FOXO1: variants seen among roughly 807,000 people sequenced by gnomAD.
The protein encoded by FOXO1 is forkhead box O1, also known as forkhead box protein O1.
FOXO1 carries 6 observed loss-of-function variants against 44.1 expected under a neutral mutation model. The observed-to-expected ratio is 0.14, with a 90% CI of 0.07 to 0.27. The LOEUF (loss-of-function observed/expected upper bound fraction) is 0.27, where lower values mean the gene tolerates loss of function less well. FOXO1 is among the 10% of genes least tolerant of loss of function. The pLI, the probability that FOXO1 is intolerant of heterozygous loss-of-function variation, is 1.00. For missense variants in FOXO1, 737 were observed against 888.8 expected (o/e 0.83, Z 2.17); for synonymous variants, 380 against 362.7 (o/e 1.05, Z -0.54).
chr13:40,631,218 T>C (rs1876952110), intron 1 of FOXO1, among the ~76,000 whole-genome samples: 1 of 152,134 alleles, frequency 6.6e-6, no homozygotes, highest in South Asian at 2.1e-4. Flanking sequence ...CTTTTCAGCA[T>C]AACCAAAGCA....
chr13:40,607,766 T>G (rs551918758), intron 1 of FOXO1, among the ~76,000 whole-genome samples: 1 of 152,356 alleles, frequency 6.6e-6, no homozygotes, highest in East Asian at 1.9e-4. Context: ...AAATGAAACC[T>G]GTTATCTACA....
In FOXO1 at chr13:40,560,005, C is replaced by G; in HGVS notation, c.1486G>C (p.Val496Leu). ...ATGACCGAATTAGGGCCCATCATGA[C>G]GTTCTGGCCCAGAACCCGGCTGTTG... ...QPNSRVLGQN[V>L]MMGPNSVMST... Residue 496 changes from valine to leucine, a missense_variant, in exon 2 of 3, where the codon GTC becomes CTC. By Grantham distance (32) the Val-to-Leu change is conservative. This residue lies in a region of FOXO1 where 283 missense variants were observed against 278.1 expected (regional missense o/e 1.02). Coordinates refer to ENST00000379561, the MANE Select transcript of FOXO1 (RefSeq NM_002015.4). This position sits in a 1 kb window ranked among gnomAD's most constrained non-coding sequence, Gnocchi z 5.1. 6 of 1,614,142 alleles carry G rather than the reference C, an allele frequency of 3.7e-6. No individual in the cohort carries two copies. Among genetic ancestry groups the G allele is most frequent in the Non-Finnish European group, 5.1e-6 (6 of 1,180,026 alleles).
Position 40,597,357 on chromosome 13 carries a change from A to C in FOXO1, c.631-36497T>G, listed in dbSNP as rs549396340. Reference sequence around the variant, plus strand: ...AGCCTGTTCTCTTATTTTCTAAGGCAGACATCTTCCCAATAAGAGGGTAGT... The same window carrying C: ...AGCCTGTTCTCTTATTTTCTAAGGCCGACATCTTCCCAATAAGAGGGTAGT... On this transcript the variant is annotated intron_variant, in intron 1 of 2. Transcript: ENST00000379561. Among the ~76,000 whole-genome samples the C allele has an allele frequency of 5.3e-5, 8 of 152,344 alleles. No individual in the cohort carries two copies. In the South Asian group the frequency reaches 1.7e-3, roughly 32 times the overall value.
chr13:40,642,997 A>G (rs1017147117), intron 1 of FOXO1, among the ~76,000 whole-genome samples: 4 of 152,090 alleles, frequency 2.6e-5, no homozygotes, highest in Non-Finnish European at 5.9e-5. Context: ...CACAAACAGC[A>G]TTTTCATTTC....
intron 1 of FOXO1, among the ~76,000 whole-genome samples, chr13:40,664,127 G>A (rs1878135129): frequency 6.6e-6 from 1 of 152,168 alleles, no homozygotes; most frequent in Non-Finnish European, 1.5e-5. Context: ...ACAAAAATTA[G>A]CTCGACGTGG....
chr13:40,665,926 G>GCCGCCA lies in FOXO1; in HGVS notation c.281_286dup (p.Val94_Ala95dup), dbSNP rs1593422183. 8 of 1,206,866 alleles carry GCCGCCA rather than the reference G, an allele frequency of 6.6e-6. No homozygotes were observed. In the Admixed American group the frequency reaches 1.3e-4, roughly 20 times the overall value. The allele number at this position is 1,206,866 out of a possible 1,614,324, so 74.8% of individuals were successfully genotyped here. ...CCCGGTGGCGGCCGCGGCGGCCGCC[G>GCCGCCA]CCGCCACCGCCGCCGCCACGGAGCC... On this transcript the variant is annotated inframe_insertion, in exon 1 of 3. Transcript: ENST00000379561.
At position 40,558,560 on chromosome 13, in the gene FOXO1, T is replaced by C. The variant is rs1311601866; in HGVS notation, c.*489A>G. 1 of 286,630 alleles carries C rather than the reference T, an allele frequency of 3.5e-6. No individual in the cohort carries two copies. Among genetic ancestry groups the C allele is most frequent in the Non-Finnish European group, 6.4e-6 (1 of 155,860 alleles). 17.8% of individuals were successfully genotyped at this position (286,630 alleles called of 1,614,324 possible). On this transcript the variant is annotated 3_prime_UTR_variant, in exon 3 of 3. Transcript: ENST00000379561. ...GATTCAGTTCTTTGTGATCCGTCAG[T>C]TCCGCAGAAAACAGGTAGTACAAAC...
At chr13:40,635,693 C>T (rs149920969) in intron 1 of FOXO1, among the ~76,000 whole-genome samples, 1 of 152,352 alleles carries the variant, frequency 6.6e-6, no homozygotes, top group Non-Finnish European at 1.5e-5. Context: ...AATCACTGCC[C>T]TCTACAGTCA....
intron 1 of FOXO1, among the ~76,000 whole-genome samples, chr13:40,576,544 G>A (rs1874752626): frequency 6.6e-6 from 1 of 152,150 alleles, no homozygotes; most frequent in Admixed American, 6.5e-5. Flanking sequence ...GCTGTCCTTG[G>A]CTGTGGTGCT....
At chr13:40,600,350 T>A (rs1034860405) in intron 1 of FOXO1, among the ~76,000 whole-genome samples, 1 of 152,112 alleles carries the variant, frequency 6.6e-6, no homozygotes, top group Non-Finnish European at 1.5e-5. Flanking sequence ...GCTGAACCAG[T>A]CAGAAGGCAT....
At chr13:40,617,606 T>G (rs1295400423) in intron 1 of FOXO1, among the ~76,000 whole-genome samples, 2 of 151,904 alleles carry the variant, frequency 1.3e-5, no homozygotes, top group African/African-American at 4.8e-5. Context: ...AGAGCCACAG[T>G]ACACACGCCT....
intron 1 of FOXO1, among the ~76,000 whole-genome samples, chr13:40,608,507 T>C (rs183189939): frequency 6.6e-6 from 1 of 152,120 alleles, no homozygotes; most frequent in Non-Finnish European, 1.5e-5. Flanking sequence ...TTGGGGTTAT[T>C]TGTTATGGAG....
intron 1 of FOXO1, among the ~76,000 whole-genome samples, chr13:40,586,684 T>TGA (rs1875179439): frequency 6.6e-6 from 1 of 152,222 alleles, no homozygotes; most frequent in Admixed American, 6.5e-5. Context: ...ATCAACAGAA[T>TGA]GATCATGGAA....
chr13:40,647,512 C>T (rs553392331), intron 1 of FOXO1, among the ~76,000 whole-genome samples: 4 of 152,282 alleles, frequency 2.6e-5, no homozygotes, highest in African/African-American at 9.6e-5. Flanking sequence ...TCAAGCAATT[C>T]TCATGCCTTA....
chr13:40,658,775 C>T (rs1302192047), intron 1 of FOXO1, among the ~76,000 whole-genome samples: 1 of 152,040 alleles, frequency 6.6e-6, no homozygotes, highest in African/African-American at 2.4e-5. Context: ...TTTGGGAGGC[C>T]GAGGCGGGTG....
chr13:40,629,144 CTTT>C (rs71961639), intron 1 of FOXO1, among the ~76,000 whole-genome samples: 4 of 141,678 alleles, frequency 2.8e-5, no homozygotes, highest in African/African-American at 7.7e-5. Context: ...AACAACATGA[CTTT>C]TTTTTTTTTT....
intron 1 of FOXO1, among the ~76,000 whole-genome samples, chr13:40,628,623 G>C (rs960836470): frequency 6.6e-6 from 1 of 152,126 alleles, no homozygotes. Context: ...AATCTCAGTT[G>C]CACCAAGCCA....
At position 40,560,706 on chromosome 13, in the gene FOXO1, T is replaced by G. The variant is rs766465352; in HGVS notation, c.785A>C (p.Lys262Thr). The G allele has an allele frequency of 6.2e-7, 1 of 1,614,188 alleles. No individual in the cohort carries two copies. The highest frequency in any genetic ancestry group is 1.1e-5 in the South Asian group (1 of 91,074). The change falls in exon 2 of 3, where the codon AAA (lysine) becomes ACA (threonine). Residue 262 changes from lysine to threonine, a missense_variant. Lys to Thr is a moderately conservative substitution (Grantham distance 78). Transcript: ENST00000379561. This position sits in a 1 kb window ranked among gnomAD's most constrained non-coding sequence, Gnocchi z 5.1. ...RRAASMDNNS[K>T]FAKSRSRAAK... ...AGCTCGGCTTCGGCTCTTAGCAAAT[T>G]TACTGTTGTTGTCCATGGATGCAGC...
At chr13:40,613,298 C>G (rs1876301324) in intron 1 of FOXO1, among the ~76,000 whole-genome samples, 1 of 152,130 alleles carries the variant, frequency 6.6e-6, no homozygotes, top group African/African-American at 2.4e-5. Flanking sequence ...TGTCATCTCT[C>G]TCTTCCTGAG....
Sources: allele counts gnomAD v4.1 joint callset (sites outside exome capture counted in the v4.1 genomes callset), GRCh38; gene constraint gnomAD v4.1.1; regional missense constraint gnomAD v4.1.1; non-coding constraint Gnocchi (gnomAD v3.1); transcripts MANE v1.5; gene names NCBI Gene and HGNC (gene_info 2026-07-23, HGNC 2026-07-21).